CPXM2: variants seen among roughly 807,000 people sequenced by gnomAD.
CPXM2 encodes carboxypeptidase X, M14 family member 2, also known as inactive carboxypeptidase-like protein X2.
Under a neutral mutation model 86.1 loss-of-function variants are expected in CPXM2, and 66 were observed. The ratio of observed to expected loss-of-function variants is 0.77; its 90% CI spans 0.63 to 0.94. CPXM2 has a LOEUF of 0.94. CPXM2 is among the 40% of genes least tolerant of loss of function. The probability of loss-of-function intolerance (pLI) is 0.00; values close to 1 mark genes in which losing one functional copy is unlikely to be tolerated. For synonymous variants in CPXM2, 388 were observed against 400.2 expected (o/e 0.97, Z 0.36); for missense variants, 948 against 1,026.3 (o/e 0.92, Z 1.04).
intron 11 of CPXM2, among the ~76,000 whole-genome samples, chr10:123,760,171 C>T (rs58932602): frequency 0.029 from 4,394 of 152,238 alleles, 198 homozygotes; most frequent in African/African-American, 0.099. Flanking sequence ...TGTGCTTGTG[C>T]GGCAGCCAAC....
At chr10:123,815,855 G>T (rs1365668871) in intron 4 of CPXM2, among the ~76,000 whole-genome samples, 1 of 152,174 alleles carries the variant, frequency 6.6e-6, no homozygotes, top group Non-Finnish European at 1.5e-5. Flanking sequence ...ACAGGCATGG[G>T]AATGCATAGT....
At chr10:123,786,725 G>A (rs1847064980) in intron 6 of CPXM2, among the ~76,000 whole-genome samples, 1 of 152,060 alleles carries the variant, frequency 6.6e-6, no homozygotes, top group South Asian at 2.1e-4. Flanking sequence ...ACAGAAACCA[G>A]CCCTTTCAAA....
intron 7 of CPXM2, 111 bp from the exon 8 acceptor site, chr10:123,771,150 C>A (rs1846619899): frequency 1.1e-6 from 1 of 950,296 alleles, no homozygotes. Flanking sequence ...CTCCCAAGCG[C>A]CCCCACATTC....
At chr10:123,781,345 C>T (rs540174545) in intron 6 of CPXM2, among the ~76,000 whole-genome samples, 2 of 152,142 alleles carry the variant, frequency 1.3e-5, no homozygotes, top group Non-Finnish European at 2.9e-5. Flanking sequence ...AGTTACAAAA[C>T]CCAAGAACAC....
intron 4 of CPXM2, among the ~76,000 whole-genome samples, chr10:123,808,347 T>C (rs1252299607): frequency 6.8e-6 from 1 of 147,584 alleles, no homozygotes; most frequent in Non-Finnish European, 1.5e-5. Context: ...AACTCTCCAA[T>C]TGGGCAAACA....
chr10:123,941,589 T>C (rs1945777579), upstream of CPXM2, among the ~76,000 whole-genome samples: 1 of 152,270 alleles, frequency 6.6e-6, no homozygotes, highest in South Asian at 2.1e-4. Context: ...CATACATTTT[T>C]GGAGGACACA....
Position 123,891,277 on chromosome 10 carries a change from A to AC in CPXM2, c.304+78_304+79insG. On this transcript the variant is annotated intron_variant, in intron 1 of 13. Transcript: ENST00000241305. This position sits in a 1 kb window ranked among gnomAD's most constrained non-coding sequence, Gnocchi z 5.6. ...GACTGGCCCATCCCAGACACACACA[A>AC]TGGGAGAAGCCAGTTGTCCCCTGGA... 2 of 1,219,280 alleles carry AC rather than the reference A, an allele frequency of 1.6e-6. No homozygotes were observed. The highest frequency in any genetic ancestry group is 1.6e-5 in the South Asian group (1 of 62,158). 75.5% of individuals were successfully genotyped at this position (1,219,280 alleles called of 1,614,324 possible).
Position 123,754,522 on chromosome 10 carries a change from G to T in CPXM2, c.2017+141C>A. Reference sequence around the variant, plus strand: ...CCCTTCCAAGGGTCTCTTGAAAAGTGGGAAATTTAGAGGAAGGAGACTGTA... The same window carrying T: ...CCCTTCCAAGGGTCTCTTGAAAAGTTGGAAATTTAGAGGAAGGAGACTGTA... On this transcript the variant is annotated intron_variant, in intron 13 of 13. Transcript: ENST00000241305. This position sits in a 1 kb window ranked among gnomAD's most constrained non-coding sequence, Gnocchi z 4.0. 1 of 621,604 alleles carries T rather than the reference G, an allele frequency of 1.6e-6. No homozygotes were observed. Among genetic ancestry groups the T allele is most frequent in the African/African-American group, 1.8e-5 (1 of 54,732 alleles). 38.5% of individuals were successfully genotyped at this position (621,604 alleles called of 1,614,324 possible).
chr10:123,834,754 G>A (rs1259837979), intron 4 of CPXM2, among the ~76,000 whole-genome samples: 1 of 152,224 alleles, frequency 6.6e-6, no homozygotes, highest in African/African-American at 2.4e-5. Context: ...AATGGGAGGT[G>A]TCTGGGTCAT....
At chr10:123,923,355 C>T (rs1004610610) in intron 2 of CPXM2, among the ~76,000 whole-genome samples, 39 of 151,492 alleles carry the variant, frequency 2.6e-4, no homozygotes, top group African/African-American at 7.8e-4. Flanking sequence ...CCGAGGCGGG[C>T]GGATCACGAG....
At chr10:123,840,110 C>CA (rs1381680909) in intron 4 of CPXM2, among the ~76,000 whole-genome samples, 4 of 152,158 alleles carry the variant, frequency 2.6e-5, no homozygotes, top group African/African-American at 9.7e-5. Flanking sequence ...GGACAGTGGC[C>CA]AGACAGCTTA....
chr10:123,891,736 G>C lies in CPXM2; in HGVS notation c.-77C>G, dbSNP rs182253601. ...GCGGGCTGCGGGCGCAGAAGCTGGC[G>C]CGGGGCAAGGGCGCAGGGCACAGCA... On this transcript the variant is annotated 5_prime_UTR_variant, in exon 1 of 14. Transcript: ENST00000241305. The surrounding 1 kb of genome is among the most constrained non-coding windows in gnomAD (Gnocchi z 5.6). 54 of 1,154,038 alleles carry C rather than the reference G, an allele frequency of 4.7e-5. No individual in the cohort carries two copies. The highest frequency in any genetic ancestry group is 5.6e-5 in the Non-Finnish European group (50 of 896,178). The allele number at this position is 1,154,038 out of a possible 1,614,324, so 71.5% of individuals were successfully genotyped here. A position where few individuals can be genotyped will look rare whatever the true frequency, so the allele number is the denominator to read the frequency against.
In CPXM2 at chr10:123,865,128, G is replaced by A. The variant is rs1365968088; in HGVS notation, c.404-2405C>T. Among the ~76,000 whole-genome samples the A allele has an allele frequency of 6.6e-6, 1 of 152,228 alleles. No individual in the cohort carries two copies. The highest frequency in any genetic ancestry group is 2.4e-5 in the African/African-American group (1 of 41,462). ...CACCCACAGCACAGATGATGACTTT[G>A]GTGGGGGAGCCCAGATAAACACACA... On this transcript the variant is annotated intron_variant, in intron 2 of 13. Coordinates refer to ENST00000241305, the MANE Select transcript of CPXM2 (RefSeq NM_198148.3). The surrounding 1 kb of genome is among the most constrained non-coding windows in gnomAD (Gnocchi z 4.7).
chr10:123,871,655 T>C (rs1944898523), intron 2 of CPXM2, among the ~76,000 whole-genome samples: 1 of 152,066 alleles, frequency 6.6e-6, no homozygotes, highest in Non-Finnish European at 1.5e-5. Flanking sequence ...GACCTTGGGG[T>C]GGGCAAAAAA....
chr10:123,807,695 T>G (rs1427328334), intron 4 of CPXM2, among the ~76,000 whole-genome samples: 1 of 152,234 alleles, frequency 6.6e-6, no homozygotes, highest in Non-Finnish European at 1.5e-5. Context: ...GGTTCGTGAA[T>G]GAACATAGTC....
Position 123,770,942 on chromosome 10 carries a change from G to C in CPXM2, c.1076C>G (p.Ser359Ter). The C allele has an allele frequency of 6.2e-7, 1 of 1,614,002 alleles. No homozygotes were observed. ...GACTTCATGCTCCCCAGGGTGATCT[G>C]AGATCTCCACAGCATACAGCTTCAG... ...QGLKLYAVEISDHPGEHEVGE... is the reference protein window; with the variant it reads ...QGLKLYAVEI Residue 359 changes from serine (S) to a stop codon, truncating the protein, a stop_gained, in exon 8 of 14, where the codon TCA becomes TGA. Coordinates refer to ENST00000241305, the MANE Select transcript of CPXM2 (RefSeq NM_198148.3). LOFTEE classifies it high-confidence loss of function.
chr10:123,776,311 C>A (rs1255002175), intron 7 of CPXM2, among the ~76,000 whole-genome samples: 10 of 152,130 alleles, frequency 6.6e-5, no homozygotes, highest in Non-Finnish European at 1.5e-4. Context: ...CCAGGGTTTG[C>A]AAGACTCTTG....
intron 3 of CPXM2, among the ~76,000 whole-genome samples, chr10:123,844,908 A>T (rs1229205959): frequency 6.6e-6 from 1 of 151,934 alleles, no homozygotes; most frequent in Non-Finnish European, 1.5e-5. Context: ...AATGTGTATT[A>T]AAAAAACAAC....
intron 10 of CPXM2, among the ~76,000 whole-genome samples, chr10:123,765,135 T>C (rs1045270525): frequency 8.5e-5 from 13 of 152,242 alleles, no homozygotes; most frequent in Non-Finnish European, 1.6e-4. Flanking sequence ...GAGATTTCCC[T>C]TATAAGCCCA....
Sources: allele counts gnomAD v4.1 joint callset (sites outside exome capture counted in the v4.1 genomes callset), GRCh38; gene constraint gnomAD v4.1.1; non-coding constraint Gnocchi (gnomAD v3.1); transcripts MANE v1.5; gene names NCBI Gene and HGNC (gene_info 2026-07-23, HGNC 2026-07-21).